The following CNTNAP5 variants were observed in gnomAD, a reference collection of about 807,000 sequenced individuals.
CNTNAP5 encodes contactin-associated protein-like 5.
A neutral mutation model predicts 150.2 loss-of-function variants in CNTNAP5; 72 were observed. The ratio of observed to expected loss-of-function variants is 0.48; its 90% CI spans 0.40 to 0.58. CNTNAP5 has a LOEUF of 0.58. Among genes scored for constraint, CNTNAP5 ranks in the 20% least tolerant of loss-of-function variants. CNTNAP5 has a pLI of 0.00. For synonymous variants in CNTNAP5, 672 were observed against 619.8 expected, an observed-to-expected ratio of 1.08 and a Z score of -1.25; for missense variants, 1,636 against 1,626.2, an observed-to-expected ratio of 1.01 and a Z score of -0.10.
intron 19 of CNTNAP5, among the ~76,000 whole-genome samples, chr2:124,810,569 A>T (rs1220548277): frequency 6.6e-6 from 1 of 152,154 alleles, no homozygotes; most frequent in Non-Finnish European, 1.5e-5. Flanking sequence ...GGGTGTGAAT[A>T]CCAGGAGGCA....
intron 2 of CNTNAP5, among the ~76,000 whole-genome samples, chr2:124,230,397 G>A (rs943652114): frequency 6.6e-6 from 1 of 151,946 alleles, no homozygotes; most frequent in Admixed American, 6.6e-5. Context: ...TACAACGTCT[G>A]CTCTCTGGAG....
At chr2:124,387,922 T>G (rs1411206247) in intron 3 of CNTNAP5, among the ~76,000 whole-genome samples, 2 of 152,038 alleles carry the variant, frequency 1.3e-5, no homozygotes, top group Non-Finnish European at 2.9e-5. Flanking sequence ...AAGCTTTTGC[T>G]GGGGAATGCA....
chr2:124,064,820 C>T (rs1432034727), intron 1 of CNTNAP5, among the ~76,000 whole-genome samples: 4 of 152,030 alleles, frequency 2.6e-5, no homozygotes, highest in African/African-American at 9.7e-5. Flanking sequence ...GTGGTTTTCC[C>T]ACCACCGGGA....
chr2:124,460,904 A>T (rs1426622177), intron 6 of CNTNAP5, among the ~76,000 whole-genome samples: 1 of 152,228 alleles, frequency 6.6e-6, no homozygotes, highest in Non-Finnish European at 1.5e-5. Flanking sequence ...GTTAAAAGTG[A>T]AGGCCTCCAT....
At chr2:124,382,489 C>T (rs1398170278) in intron 3 of CNTNAP5, among the ~76,000 whole-genome samples, 2 of 152,092 alleles carry the variant, frequency 1.3e-5, no homozygotes, top group African/African-American at 4.8e-5. Flanking sequence ...ACATTTGAGT[C>T]TCAATGTACT....
At chr2:124,153,703 A>G (rs1684457852) in intron 1 of CNTNAP5, among the ~76,000 whole-genome samples, 1 of 139,136 alleles carries the variant, frequency 7.2e-6, no homozygotes, top group Admixed American at 8.0e-5. Context: ...TCCTCCTCCC[A>G]GGTTCACGCT....
intron 13 of CNTNAP5, among the ~76,000 whole-genome samples, chr2:124,701,225 A>G (rs1679514364): frequency 2.0e-5 from 3 of 151,966 alleles, no homozygotes; most frequent in Admixed American, 1.3e-4. Flanking sequence ...CGATCTCTGT[A>G]TATTTGAATT....
chr2:124,637,345 A>C lies in CNTNAP5; in HGVS notation c.1877-10413A>C, dbSNP rs1677992546. On this transcript the variant is annotated intron_variant, in intron 12 of 23. Transcript: ENST00000682447. ...TCTGGAGATTAAAAGACAGTTGTTA[A>C]ATAAAATATCCCATACTTTGGATAT... Among the ~76,000 whole-genome samples the C allele has an allele frequency of 3.3e-5, 5 of 152,324 alleles. No homozygotes were observed. The South Asian group carries it at 1.0e-3, about 32-fold the overall frequency.
At chr2:124,172,155 T>C (rs1177499712) in intron 1 of CNTNAP5, among the ~76,000 whole-genome samples, 1 of 152,210 alleles carries the variant, frequency 6.6e-6, no homozygotes, top group East Asian at 1.9e-4. Context: ...TTGTAGGAAT[T>C]CTTGAGAGTA....
intron 18 of CNTNAP5, among the ~76,000 whole-genome samples, chr2:124,794,360 C>T (rs1015701805): frequency 1.2e-4 from 19 of 152,100 alleles, no homozygotes; most frequent in African/African-American, 3.4e-4. Context: ...CACAGGGAGT[C>T]GTGTTTAACA....
chr2:124,787,338 C>T (rs1681620677), intron 17 of CNTNAP5, among the ~76,000 whole-genome samples: 1 of 152,164 alleles, frequency 6.6e-6, no homozygotes, highest in South Asian at 2.1e-4. Flanking sequence ...CTATGATCTG[C>T]TTGTGTTTAT....
chr2:124,629,719 A>C (rs1398361905), intron 12 of CNTNAP5, among the ~76,000 whole-genome samples: 1 of 151,764 alleles, frequency 6.6e-6, no homozygotes, highest in Non-Finnish European at 1.5e-5. Context: ...CTCAGAGTGG[A>C]ACTGGAGATA....
chr2:124,664,748 G>A (rs542803926), intron 13 of CNTNAP5, among the ~76,000 whole-genome samples: 9 of 152,324 alleles, frequency 5.9e-5, no homozygotes, highest in South Asian at 2.1e-4. Flanking sequence ...GGACAATGGC[G>A]CAATCTTGTC....
intron 10 of CNTNAP5, among the ~76,000 whole-genome samples, chr2:124,556,294 A>G (rs1695754295): frequency 6.6e-6 from 1 of 152,194 alleles, no homozygotes; most frequent in African/African-American, 2.4e-5. Context: ...CAGGGGAAAT[A>G]ATACCATTAA....
chr2:124,221,605 T>C, intron 1 of CNTNAP5, 100 bp from the exon 2 acceptor site: 1 of 779,010 alleles, frequency 1.3e-6, no homozygotes, highest in Non-Finnish European at 2.1e-6. Context: ...GAGCAGGTGG[T>C]TAATAAATGA....
intron 2 of CNTNAP5, 95 bp downstream of exon 2, chr2:124,221,904 G>A (rs530384819): frequency 1.1e-4 from 84 of 749,838 alleles, no homozygotes; most frequent in Admixed American, 1.1e-3. Flanking sequence ...CTGAAATCAT[G>A]TCCAATGGCC....
intron 10 of CNTNAP5, among the ~76,000 whole-genome samples, chr2:124,550,124 T>C (rs1048392550): frequency 3.9e-5 from 6 of 152,256 alleles, no homozygotes; most frequent in Non-Finnish European, 7.3e-5. Flanking sequence ...TAGTGCAGTG[T>C]GTTAAAACCT....
chr2:124,867,026 G>A (rs773363787), intron 20 of CNTNAP5, among the ~76,000 whole-genome samples: 4 of 152,100 alleles, frequency 2.6e-5, no homozygotes, highest in Admixed American at 6.6e-5. Context: ...CTCCTGAATA[G>A]TTCATGGTTC....
At chr2:124,675,146 G>A (rs185641635) in intron 13 of CNTNAP5, among the ~76,000 whole-genome samples, 153 of 152,038 alleles carry the variant, frequency 1.0e-3, no homozygotes, top group African/African-American at 3.2e-3. Context: ...TCGTATAAAT[G>A]TTTATAATCG....
Sources: allele counts gnomAD v4.1 joint callset (sites outside exome capture counted in the v4.1 genomes callset), GRCh38; gene constraint gnomAD v4.1.1; transcripts MANE v1.5; gene names NCBI Gene and HGNC (gene_info 2026-07-23, HGNC 2026-07-21).